The following RNF122 variants were observed in gnomAD, a reference collection of about 807,000 sequenced individuals.
RNF122 encodes ring finger protein 122.
In RNF122, 17 loss-of-function variants were observed where a neutral mutation model predicts 24.2. The ratio of observed to expected loss-of-function variants is 0.70; its 90% CI spans 0.48 to 1.06. The LOEUF (loss-of-function observed/expected upper bound fraction) is 1.06, where lower values mean the gene tolerates loss of function less well. RNF122 is among the 50% of genes least tolerant of loss of function. The pLI is 0.00. For missense variants in RNF122, 168 were observed against 198.1 expected (o/e 0.85, Z 0.91); for synonymous variants, 65 against 71.8 (o/e 0.91, Z 0.48).
At chr8:33,562,120 T>A (rs1305825489) in intron 1 of RNF122, among the ~76,000 whole-genome samples, 1 of 152,186 alleles carries the variant, frequency 6.6e-6, no homozygotes, top group Non-Finnish European at 1.5e-5. Context: ...TCTACAGCAC[T>A]CATGACCTCC....
intron 5 of RNF122, among the ~76,000 whole-genome samples, chr8:33,549,071 A>T (rs1489389702): frequency 6.6e-6 from 1 of 152,064 alleles, no homozygotes; most frequent in Non-Finnish European, 1.5e-5. Context: ...AAATACAAAA[A>T]TTAGCCAGGC....
chr8:33,555,610 G>A (rs1810440223), intron 2 of RNF122, among the ~76,000 whole-genome samples: 1 of 152,196 alleles, frequency 6.6e-6, no homozygotes, highest in South Asian at 2.1e-4. Flanking sequence ...GGTGGTTGTG[G>A]AGCCTATAGC....
At chr8:33,562,438 A>C (rs1810552750) in intron 1 of RNF122, among the ~76,000 whole-genome samples, 2 of 151,380 alleles carry the variant, frequency 1.3e-5, no homozygotes. Context: ...GCTACTCAGG[A>C]GGCTGAGATG....
intron 1 of RNF122, among the ~76,000 whole-genome samples, chr8:33,565,868 T>C (rs1810615050): frequency 6.6e-6 from 1 of 152,192 alleles, no homozygotes; most frequent in African/African-American, 2.4e-5. Flanking sequence ...AACGGCTTTT[T>C]TTTAGATGGA....
intron 2 of RNF122, among the ~76,000 whole-genome samples, chr8:33,555,922 C>T: frequency 6.6e-6 from 1 of 152,182 alleles, no homozygotes; most frequent in East Asian, 1.9e-4. Flanking sequence ...AATCCCAGCA[C>T]TTTGGGAGGC....
chr8:33,551,174 GA>G, intron 3 of RNF122, 89 bp from the exon 4 acceptor site: 1 of 1,530,042 alleles, frequency 6.5e-7, no homozygotes, highest in Non-Finnish European at 9.1e-7. Context: ...GAGTCCCCTG[GA>G]CTGCCTGGGG....
Position 33,548,863 on chromosome 8 carries a change from G to T in RNF122, c.358C>A (p.Leu120Met), listed in dbSNP as rs1192003202. The stretch of plus-strand genomic sequence containing the variant: ...CAGCGAACTTCCAGCCATTTCACCA[G>T]ACACCTGAGAACAAATGAGGAATGG... ...PCQHAFHRKC[L>M]VKWLEVRCVC... is the part of the protein sequence containing the mutation. The change falls in exon 6 of 6, where the codon CTG (leucine) becomes ATG (methionine). Residue 120 changes from leucine to methionine, a missense_variant. Transcript: ENST00000256257. 6.2e-7 allele frequency: 1 copy of T among 1,609,220 alleles called. No individual in the cohort carries two copies. The highest frequency in any genetic ancestry group is 1.7e-5 in the Admixed American group (1 of 59,996).
At chr8:33,562,784 T>G (rs10095990) in intron 1 of RNF122, among the ~76,000 whole-genome samples, 90,260 of 151,380 alleles carry the variant, frequency 0.6, 28,267 homozygotes, top group African/African-American at 0.8. Flanking sequence ...TTAGCTGGGT[T>G]TGGTGTCTGG....
chr8:33,564,598 C>T (rs7015041), intron 1 of RNF122, among the ~76,000 whole-genome samples: 63 of 151,642 alleles, frequency 4.2e-4, no homozygotes, highest in African/African-American at 1.4e-3. Flanking sequence ...GTAGGCTGGG[C>T]GCAGTGGCTC....
chr8:33,551,470 C>T, intron 2 of RNF122, 81 bp from the exon 3 acceptor site: 2 of 1,464,804 alleles, frequency 1.4e-6, no homozygotes, highest in Non-Finnish European at 1.9e-6. Flanking sequence ...GCTGCTTGGG[C>T]ATTCTTCCGA....
chr8:33,564,860 G>A (rs1162064906), intron 1 of RNF122, among the ~76,000 whole-genome samples: 2 of 151,498 alleles, frequency 1.3e-5, no homozygotes, highest in Non-Finnish European at 2.9e-5. Flanking sequence ...CAACAAGAGC[G>A]AAACTCAGTC....
chr8:33,560,112 G>T (rs1283193761), intron 1 of RNF122, among the ~76,000 whole-genome samples: 1 of 152,082 alleles, frequency 6.6e-6, no homozygotes, highest in African/African-American at 2.4e-5. Flanking sequence ...ATGGTGCTGG[G>T]ATTACAGGCA....
intron 2 of RNF122, among the ~76,000 whole-genome samples, chr8:33,554,463 T>A (rs890501504): frequency 6.6e-6 from 1 of 152,072 alleles, no homozygotes; most frequent in African/African-American, 2.4e-5. Flanking sequence ...TGCCCAGGGA[T>A]CCTCCAAAAC....
chr8:33,555,813 C>T (rs544775298), intron 2 of RNF122, among the ~76,000 whole-genome samples: 11 of 152,206 alleles, frequency 7.2e-5, no homozygotes, highest in East Asian at 5.8e-4. Flanking sequence ...AAGGATTAAG[C>T]GAGCTAAATG....
chr8:33,553,816 A>G (rs1274898856), intron 2 of RNF122, among the ~76,000 whole-genome samples: 2 of 152,144 alleles, frequency 1.3e-5, no homozygotes, highest in African/African-American at 4.8e-5. Context: ...TCCTGATAGG[A>G]AGTCAGGTGT....
intron 2 of RNF122, among the ~76,000 whole-genome samples, chr8:33,557,664 A>C (rs549116688): frequency 3.2e-4 from 49 of 152,048 alleles, no homozygotes; most frequent in Middle Eastern, 6.8e-3. Context: ...AAGTAAAAAG[A>C]AAACAGCCAC....
intron 2 of RNF122, 108 bp downstream of exon 2, chr8:33,558,507 G>A (rs1810489109): frequency 2.2e-6 from 2 of 898,430 alleles, no homozygotes; most frequent in Non-Finnish European, 1.6e-6. Flanking sequence ...GGTGGCTCCA[G>A]TATAAGACTG....
chr8:33,551,503 C>A, intron 2 of RNF122, 114 bp from the exon 3 acceptor site: 1 of 978,978 alleles, frequency 1.0e-6, no homozygotes, highest in Non-Finnish European at 1.6e-6. Flanking sequence ...GTGCTTGTCC[C>A]ATACACACCA....
chr8:33,563,519 G>T (rs902320491), intron 1 of RNF122, among the ~76,000 whole-genome samples: 2 of 152,184 alleles, frequency 1.3e-5, no homozygotes, highest in African/African-American at 4.8e-5. Flanking sequence ...GAAGTTCCTT[G>T]TGTCTAGGCT....
Sources: gnomAD v4.1 joint callset for allele counts (sites outside exome capture counted in the v4.1 genomes callset) on GRCh38, gnomAD v4.1.1 for gene constraint, MANE v1.5 for transcripts, NCBI Gene and HGNC (gene_info 2026-07-23, HGNC 2026-07-21) for gene names.